MBD5: variants seen among roughly 807,000 people sequenced by gnomAD.
MBD5 encodes methyl-CpG-binding domain protein 5.
MBD5 carries 13 observed loss-of-function variants against 117.3 expected under a neutral mutation model. That is an observed-to-expected ratio of 0.11 (90% confidence interval 0.07 to 0.18). The LOEUF (loss-of-function observed/expected upper bound fraction) is 0.18. MBD5 is among the 10% of genes least tolerant of loss of function. MBD5 has a pLI of 1.00. For missense variants in MBD5, 1,879 were observed against 2,093.8 expected, an observed-to-expected ratio of 0.90 and a Z score of 2.00; for synonymous variants, 727 against 766.4, an observed-to-expected ratio of 0.95 and a Z score of 0.85.
At chr2:148,078,699 A>G (rs1695569057) in intron 1 of MBD5, among the ~76,000 whole-genome samples, 1 of 152,222 alleles carries the variant, frequency 6.6e-6, no homozygotes. Context: ...GGAACATCTA[A>G]CATATATTCT....
intron 4 of MBD5, among the ~76,000 whole-genome samples, chr2:148,362,860 C>A (rs113050462): frequency 0.057 from 8,616 of 152,174 alleles, 775 homozygotes; most frequent in African/African-American, 0.2. Flanking sequence ...CTGGAGTGGA[C>A]CTCCAGCAAA....
chr2:148,039,696 C>A (rs1325740775), intron 1 of MBD5, among the ~76,000 whole-genome samples: 4 of 152,032 alleles, frequency 2.6e-5, no homozygotes, highest in African/African-American at 9.7e-5. Context: ...ATTTCATTAT[C>A]TTCAAGATTA....
In MBD5 at chr2:148,513,110, G is replaced by A. The variant is rs1161492606; in HGVS notation, c.*169G>A. Reference sequence around the variant, plus strand: ...AGTGATACAAAATTTTTTTGATCAGGAAGGATAATGAATGCTGGAAAAGCC... The same window carrying A: ...AGTGATACAAAATTTTTTTGATCAGAAAGGATAATGAATGCTGGAAAAGCC... On this transcript the variant is annotated 3_prime_UTR_variant, in exon 14 of 14. Transcript: ENST00000642680. 9 of 650,680 alleles carry A rather than the reference G, an allele frequency of 1.4e-5. No individual in the cohort carries two copies. In the Admixed American group the frequency reaches 1.8e-4, roughly 13 times the overall value. The allele number at this position is 650,680 out of a possible 1,614,324, so 40.3% of individuals were successfully genotyped here.
chr2:148,130,695 G>T (rs560733461), intron 1 of MBD5, among the ~76,000 whole-genome samples: 15 of 152,242 alleles, frequency 9.9e-5, no homozygotes, highest in African/African-American at 3.6e-4. Flanking sequence ...GGAAAAAACA[G>T]TCGTGTTAAA....
At chr2:148,322,031 C>T (rs546123098) in intron 3 of MBD5, among the ~76,000 whole-genome samples, 1 of 152,182 alleles carries the variant, frequency 6.6e-6, no homozygotes, top group East Asian at 1.9e-4. Flanking sequence ...TTTATTGATC[C>T]ACACAATTGT....
At chr2:148,173,152 C>G (rs926768529) in intron 1 of MBD5, among the ~76,000 whole-genome samples, 1 of 152,216 alleles carries the variant, frequency 6.6e-6, no homozygotes, top group Non-Finnish European at 1.5e-5. Context: ...ATGCGGGCGA[C>G]TAGAAAGAAA....
Position 148,468,766 on chromosome 2 carries a change from C to A in MBD5, c.823C>A (p.Pro275Thr). ...PIHLNRTPLS[P>T]PSVMLHGSPV... ...TCACCTGAATAGGACTCCTCTTTCT[C>A]CACCTTCAGTAATGCTACATGGTTC... Residue 275 changes from proline to threonine, a missense_variant, in exon 8 of 14, where the codon CCA becomes ACA. Around this residue, in one of 4 missense-constraint regions of MBD5, gnomAD observed 1,666 missense variants for 1,792.2 expected, o/e 0.93. Transcript: ENST00000642680. 1 of 1,613,924 alleles carries A rather than the reference C, an allele frequency of 6.2e-7. No individual in the cohort carries two copies. The highest frequency in any genetic ancestry group is 2.2e-5 in the East Asian group (1 of 44,852).
At chr2:148,477,223 T>G (rs1244167255) in intron 8 of MBD5, among the ~76,000 whole-genome samples, 1 of 152,088 alleles carries the variant, frequency 6.6e-6, no homozygotes, top group African/African-American at 2.4e-5. Context: ...GACATCATAT[T>G]CCAAGATTCA....
At chr2:148,161,407 A>G (rs1339659134) in intron 1 of MBD5, among the ~76,000 whole-genome samples, 1 of 152,222 alleles carries the variant, frequency 6.6e-6, no homozygotes, top group Non-Finnish European at 1.5e-5. Context: ...GCTGAGGACT[A>G]TGAATAGGGA....
At chr2:148,390,175 G>A (rs1165217519) in intron 4 of MBD5, among the ~76,000 whole-genome samples, 1 of 151,888 alleles carries the variant, frequency 6.6e-6, no homozygotes, top group Non-Finnish European at 1.5e-5. Context: ...ATTGAATAGG[G>A]GGTCCCTTCC....
chr2:148,165,432 A>C (rs1297009584), intron 1 of MBD5, among the ~76,000 whole-genome samples: 5 of 152,050 alleles, frequency 3.3e-5, no homozygotes, highest in Non-Finnish European at 2.9e-5. Context: ...TATTGCCAAA[A>C]ATATTGAGTA....
intron 3 of MBD5, among the ~76,000 whole-genome samples, chr2:148,272,882 T>C (rs1701019054): frequency 1.3e-5 from 2 of 152,194 alleles, no homozygotes; most frequent in South Asian, 4.1e-4. Flanking sequence ...TTTCCTTCAC[T>C]TTTAACCTTT....
chr2:148,408,818 T>G lies in MBD5; in HGVS notation c.-556-49385T>G, dbSNP rs138021229. Among the ~76,000 whole-genome samples, 70 of 151,432 alleles carry G rather than the reference T, an allele frequency of 4.6e-4. 3 individuals carry two copies. In the East Asian group the frequency reaches 0.013, roughly 28 times the overall value. ...GAAAATTACATATGTACTGAACATG[T>G]ATGTACAGGCTTTTTTTTTCTTGTC... On this transcript the variant is annotated intron_variant, in intron 4 of 13. Coordinates refer to ENST00000642680, the MANE Select transcript of MBD5 (RefSeq NM_001378120.1).
chr2:148,212,076 C>T (rs545719832), intron 2 of MBD5, among the ~76,000 whole-genome samples: 1 of 152,276 alleles, frequency 6.6e-6, no homozygotes. Context: ...AAGAAAAGAA[C>T]AGCTTTATTG....
At chr2:148,422,725 T>C (rs1705647176) in intron 4 of MBD5, among the ~76,000 whole-genome samples, 2 of 152,086 alleles carry the variant, frequency 1.3e-5, no homozygotes, top group Non-Finnish European at 2.9e-5. Flanking sequence ...ATAACCACTT[T>C]AGAGAAGAAC....
At chr2:148,092,703 G>C (rs537252080) in intron 1 of MBD5, among the ~76,000 whole-genome samples, 7 of 151,690 alleles carry the variant, frequency 4.6e-5, no homozygotes, top group Non-Finnish European at 1.0e-4. Flanking sequence ...CTACACATTG[G>C]GTACAGTATA....
At chr2:148,310,085 G>T (rs942883457) in intron 3 of MBD5, among the ~76,000 whole-genome samples, 4 of 152,106 alleles carry the variant, frequency 2.6e-5, no homozygotes, top group Non-Finnish European at 4.4e-5. Context: ...ATGTTCATCA[G>T]GGATATTGGC....
intron 1 of MBD5, chr2:148,056,017 A>G (rs1221490823): frequency 1.3e-5 from 2 of 152,162 alleles, no homozygotes; most frequent in Non-Finnish European, 2.9e-5. Context: ...TTATAATTTA[A>G]TTTTATGTCC....
intron 4 of MBD5, 110 bp from the exon 5 acceptor site, chr2:148,458,093 G>A: frequency 2.5e-6 from 1 of 392,572 alleles, no homozygotes; most frequent in East Asian, 3.6e-5. Flanking sequence ...TGATAGCAAA[G>A]GACATCAATG....
Sources: gnomAD v4.1 joint callset for allele counts (sites outside exome capture counted in the v4.1 genomes callset) on GRCh38, gnomAD v4.1.1 for gene constraint, gnomAD v4.1.1 regional missense constraint, MANE v1.5 for transcripts, NCBI Gene and HGNC (gene_info 2026-07-23, HGNC 2026-07-21) for gene names.